Variants in PLSCR5 observed in about 807,000 individuals in gnomAD.
PLSCR5 encodes phospholipid scramblase family, member 5.
PLSCR5 carries 44 observed loss-of-function variants against 33.6 expected under a neutral mutation model. The observed-to-expected ratio is 1.31, with a 90% CI of 1.03 to 1.69. PLSCR5 has a LOEUF of 1.69. PLSCR5 is among the 40% of genes most tolerant of loss of function. The pLI, the probability that PLSCR5 is intolerant of heterozygous loss-of-function variation, is 0.00. For synonymous variants in PLSCR5, 148 were observed against 112.3 expected, an observed-to-expected ratio of 1.32 and a Z score of -2.01; for missense variants, 375 against 318.7, an observed-to-expected ratio of 1.18 and a Z score of -1.34.
intron 5 of PLSCR5, among the ~76,000 whole-genome samples, chr3:146,590,691 G>A (rs188662124): frequency 1.1e-4 from 16 of 152,180 alleles, no homozygotes; most frequent in East Asian, 5.8e-4. Context: ...CATATTACTC[G>A]TAGGAAAGTC....
chr3:146,589,756 A>C lies in PLSCR5; in HGVS notation c.674T>G (p.Phe225Cys). 6.3e-7 allele frequency: 1 copy of C among 1,593,432 alleles called. No individual in the cohort carries two copies. The highest frequency in any genetic ancestry group is 8.6e-7 in the Non-Finnish European group (1 of 1,163,958). The change falls in exon 6 of 8, where the codon TTT (phenylalanine) becomes TGT (cysteine). Residue 225 changes from phenylalanine (F) to cysteine (C), a missense_variant. Phe to Cys is a radical substitution (Grantham distance 205). Coordinates refer to ENST00000443512, the MANE Select transcript of PLSCR5 (RefSeq NM_001085420.2). ...IGKISKYWSGFVNDVFTNADN... is the reference protein window; with the variant it reads ...IGKISKYWSGCVNDVFTNADN... ...AGCATTTGTGAAGACATCATTTACA[A>C]ATCCTGACCAGTACTTTGAAATCTT...
At chr3:146,589,278 C>T (rs980933754) in intron 6 of PLSCR5, among the ~76,000 whole-genome samples, 2 of 152,100 alleles carry the variant, frequency 1.3e-5, no homozygotes, top group Admixed American at 1.3e-4. Context: ...TGCAATGAAC[C>T]AGTCTGGAAC....
intron 5 of PLSCR5, 145 bp downstream of exon 5, chr3:146,591,575 A>G (rs2044714391): frequency 2.2e-6 from 2 of 892,256 alleles, no homozygotes; most frequent in Non-Finnish European, 3.4e-6. Context: ...AGCATGTACA[A>G]TATGGGCTGA....
At position 146,591,841 on chromosome 3, in the gene PLSCR5, A is replaced by T; in HGVS notation, c.494T>A (p.Val165Asp). 1 of 1,612,106 alleles carries T rather than the reference A, an allele frequency of 6.2e-7. No individual in the cohort carries two copies. Among genetic ancestry groups the T allele is most frequent in the African/African-American group, 1.3e-5 (1 of 75,000 alleles). The change falls in exon 5 of 8, where the codon GTT becomes GAT. Residue 165 changes from valine (V) to aspartate (D), a missense_variant. By Grantham distance (152) the Val-to-Asp change is radical. Coordinates refer to ENST00000443512, the MANE Select transcript of PLSCR5 (RefSeq NM_001085420.2). ...CAGAAAGGGGTCCCACTTCTGCGTA[A>T]CGTAACCAACTATAGTACCAGGAGG... ...QAPPGTIVGY[V>D]TQKWDPFLPK...
chr3:146,589,652 C>A lies in PLSCR5; in HGVS notation c.777+1G>T. 5 of 1,572,212 alleles carry A rather than the reference C, an allele frequency of 3.2e-6. No individual in the cohort carries two copies. The highest frequency in any genetic ancestry group is 4.3e-6 in the Non-Finnish European group (5 of 1,152,210). On this transcript the variant is annotated splice_donor_variant, in intron 6 of 7. Transcript: ENST00000443512. LOFTEE classifies it high-confidence loss of function. ...CTCATGCTCTCAAAGCCCATACTTA[C>A]AAAGAGAAAACAGGCACCGATCATT...
In PLSCR5 at chr3:146,593,947, G is replaced by A; in HGVS notation, c.426C>T (p.Ser142=). 6.2e-7 allele frequency: 1 copy of A among 1,613,744 alleles called. No homozygotes were observed. ...CTTGTAGGTAGCAAGGGCACCAGCA[G>A]CTGTTACATCTCAAGGGCCTGTTCA... ...ITVNRPLRCN[S]CWCPCYLQEL... is the part of the protein sequence containing the mutation. Residue 142 remains serine (S), a synonymous_variant, in exon 4 of 8, where the codon AGC becomes AGT. Coordinates refer to ENST00000443512, the MANE Select transcript of PLSCR5 (RefSeq NM_001085420.2).
chr3:146,592,727 G>A (rs888719114), intron 4 of PLSCR5, among the ~76,000 whole-genome samples: 1 of 152,156 alleles, frequency 6.6e-6, no homozygotes, highest in Admixed American at 6.5e-5. Context: ...CACTTTTAAA[G>A]TTATTAATTT....
intron 5 of PLSCR5, chr3:146,590,129 A>G (rs2044701913): frequency 5.6e-6 from 1 of 179,414 alleles, no homozygotes; most frequent in Non-Finnish European, 1.2e-5. Flanking sequence ...ACATAGTTCA[A>G]TTGTATCATC....
rs750696475 is a variant in PLSCR5 at position 146,589,785 on chromosome 3, A to G, written c.645T>C (p.Ile215=). The G allele has an allele frequency of 1.6e-5, 25 of 1,558,732 alleles. No homozygotes were observed. Among genetic ancestry groups the G allele is most frequent in the Non-Finnish European group, 9.6e-6 (11 of 1,141,198 alleles). ...EVKTINEKLT[I]GKISKYWSGF... ...CTGACCAGTACTTTGAAATCTTCCC[A>G]ATTGTAAGCTTTTCATTAATGGTTT... The change falls in exon 6 of 8, where the codon ATT becomes ATC. Residue 215 remains isoleucine, a synonymous_variant. Coordinates refer to ENST00000443512, the MANE Select transcript of PLSCR5 (RefSeq NM_001085420.2).
downstream of PLSCR5, among the ~76,000 whole-genome samples, chr3:146,580,968 C>T (rs916691972): frequency 1.3e-5 from 2 of 152,064 alleles, no homozygotes; most frequent in Non-Finnish European, 2.9e-5. Flanking sequence ...AACAATCAAA[C>T]GAGTAACAAT....
At position 146,591,423 on chromosome 3, in the gene PLSCR5, A is replaced by G. The variant is rs188804101; in HGVS notation, c.615+297T>C. On this transcript the variant is annotated intron_variant, in intron 5 of 7. Transcript: ENST00000443512. Reference sequence around the variant, plus strand: ...ATATTTAGCTAAACATGCTTTTATTATAGTAAAATTTATTAATATTACTTT... The same window carrying G: ...ATATTTAGCTAAACATGCTTTTATTGTAGTAAAATTTATTAATATTACTTT... Among the ~76,000 whole-genome samples the G allele has an allele frequency of 2.6e-5, 4 of 152,174 alleles. No homozygotes were observed. In the East Asian group the frequency reaches 7.7e-4, roughly 29 times the overall value.
At chr3:146,580,725 A>G (rs1299611235) in intron 7 of PLSCR5, among the ~76,000 whole-genome samples, 1 of 151,996 alleles carries the variant, frequency 6.6e-6, no homozygotes, top group East Asian at 1.9e-4. Flanking sequence ...GGCCTCTCAA[A>G]GTGCTGGGAT....
At position 146,593,920 on chromosome 3, in the gene PLSCR5, C is replaced by G. The variant is rs780006629; in HGVS notation, c.453G>C (p.Glu151Asp). ...AGGACAACCAGAGCCAGTAACTAAC[C>G]TCTTGTAGGTAGCAAGGGCACCAGC... ...NSCWCPCYLQ[E>D]LEIQAPPGTI... The change falls in exon 4 of 8, where the codon GAG becomes GAC. Residue 151 changes from glutamate (E) to aspartate (D), a missense_variant and splice_region_variant. Glu to Asp is a conservative substitution (Grantham distance 45). Transcript: ENST00000443512. 31 of 1,612,494 alleles carry G rather than the reference C, an allele frequency of 1.9e-5. 3 individuals carry two copies. The Middle Eastern group carries it at 5.0e-4, about 26-fold the overall frequency.
intron 1 of PLSCR5, 131 bp downstream of exon 1, chr3:146,605,069 A>T: frequency 1.1e-6 from 1 of 922,190 alleles, no homozygotes; most frequent in Non-Finnish European, 1.6e-6. Context: ...AAGATTTTAA[A>T]ATCACAATGT....
chr3:146,604,203 G>A (rs2044844382), intron 1 of PLSCR5, among the ~76,000 whole-genome samples: 1 of 151,958 alleles, frequency 6.6e-6, no homozygotes, highest in Non-Finnish European at 1.5e-5. Context: ...TATAGCCTAG[G>A]CTTTAGTGGT....
In PLSCR5 at chr3:146,591,834, C is replaced by T. The variant is rs890463562; in HGVS notation, c.501G>A (p.Gln167=). 3.1e-6 allele frequency: 5 copies of T among 1,612,234 alleles called. No individual in the cohort carries two copies. In the Admixed American group the frequency reaches 5.0e-5, roughly 16 times the overall value. ...ATTTAGGCAGAAAGGGGTCCCACTT[C>T]TGCGTAACGTAACCAACTATAGTAC... ...PPGTIVGYVT[Q]KWDPFLPKFT... is the part of the protein sequence containing the mutation. Residue 167 remains glutamine, a synonymous_variant, in exon 5 of 8, where the codon CAG becomes CAA. Transcript: ENST00000443512.
At chr3:146,577,500 G>A (rs1290561959) in intron 7 of PLSCR5, among the ~76,000 whole-genome samples, 1 of 152,038 alleles carries the variant, frequency 6.6e-6, no homozygotes, top group Admixed American at 6.6e-5. Context: ...TCAGAGTTGG[G>A]ACTCTACTTT....
Position 146,591,888 on chromosome 3 carries a change from GAA to G in PLSCR5, c.454-9_454-8del. ...GAGGGGCTTGGATTTCTAACTGTAAGAAGAGATAATGATAAAATAAGATTTTC... is the reference window on the plus strand; with the variant it reads ...GAGGGGCTTGGATTTCTAACTGTAAGGAGATAATGATAAAATAAGATTTTC... On this transcript the variant is annotated splice_region_variant and splice_polypyrimidine_tract_variant and intron_variant, in intron 4 of 7. Coordinates refer to ENST00000443512, the MANE Select transcript of PLSCR5 (RefSeq NM_001085420.2). 6.3e-7 allele frequency: 1 copy of G among 1,579,692 alleles called. No individual in the cohort carries two copies. Among genetic ancestry groups the G allele is most frequent in the Non-Finnish European group, 8.6e-7 (1 of 1,163,728 alleles).
At chr3:146,599,551 G>C (rs1450640549) in intron 2 of PLSCR5, among the ~76,000 whole-genome samples, 1 of 150,070 alleles carries the variant, frequency 6.7e-6, no homozygotes, top group African/African-American at 2.5e-5. Flanking sequence ...TTAGGTTGCA[G>C]AACTTTTGGG....
Sources: allele counts gnomAD v4.1 joint callset (sites outside exome capture counted in the v4.1 genomes callset), GRCh38; gene constraint gnomAD v4.1.1; transcripts MANE v1.5; gene names NCBI Gene and HGNC (gene_info 2026-07-23, HGNC 2026-07-21).